The following SMYD3 variants were observed in gnomAD, a reference collection of about 807,000 sequenced individuals.
SMYD3 encodes the protein histone-lysine N-methyltransferase SMYD3.
Under a neutral mutation model 57.7 loss-of-function variants are expected in SMYD3, and 36 were observed. The observed-to-expected ratio is 0.62, with a 90% confidence interval of 0.48 to 0.82. SMYD3 has a LOEUF of 0.82. Among genes scored for constraint, SMYD3 ranks in the 40% least tolerant of loss-of-function variants. SMYD3 has a pLI of 0.00. For missense variants in SMYD3, 515 were observed against 538.8 expected (o/e 0.96, Z 0.44); for synonymous variants, 211 against 195.0 (o/e 1.08, Z -0.68).
chr1:245,771,968 T>G (rs1207623397), intron 10 of SMYD3, among the ~76,000 whole-genome samples: 1 of 152,176 alleles, frequency 6.6e-6, no homozygotes, highest in Admixed American at 6.5e-5. Context: ...GCTGCTACTC[T>G]GGAGAGGTGC....
intron 5 of SMYD3, among the ~76,000 whole-genome samples, chr1:246,310,285 T>C (rs2065054009): frequency 6.6e-6 from 1 of 152,100 alleles, no homozygotes; most frequent in South Asian, 2.1e-4. Flanking sequence ...ATGACACGAA[T>C]AGACTGGAAG....
intron 5 of SMYD3, among the ~76,000 whole-genome samples, chr1:246,001,725 T>C (rs1572871431): frequency 6.6e-6 from 1 of 152,218 alleles, no homozygotes; most frequent in Admixed American, 6.5e-5. Context: ...ACAGGGGTCA[T>C]TGCCCTGGCT....
intron 1 of SMYD3, among the ~76,000 whole-genome samples, chr1:246,450,492 C>T (rs1327728800): frequency 6.6e-6 from 1 of 152,176 alleles, no homozygotes; most frequent in Non-Finnish European, 1.5e-5. Flanking sequence ...CCCAAGATGG[C>T]AGTGATCTAT....
At chr1:246,273,554 G>A (rs747510600) in intron 5 of SMYD3, among the ~76,000 whole-genome samples, 85 of 142,166 alleles carry the variant, frequency 6.0e-4, no homozygotes, top group Non-Finnish European at 9.7e-4. Context: ...TTTCAAGAAC[G>A]CAGCTTTTGG....
rs1201829306 is a variant in SMYD3 at position 246,138,570 on chromosome 1, C to A, written c.531+188631G>T. 1.2e-4 allele frequency among the ~76,000 whole-genome samples: 12 copies of A among 101,618 alleles called. 2 individuals are homozygous for A. The highest frequency in any genetic ancestry group is 3.2e-4 in the African/African-American group (12 of 38,094). 66.7% of individuals were successfully genotyped at this position (101,618 alleles called of 152,430 possible). ...CCTCCCGAGTAGCTGGGACTGCAGG[C>A]TCCCGCCACCACGCCCGGCTAATTT... On this transcript the variant is annotated intron_variant, in intron 5 of 11. Coordinates refer to ENST00000490107, the MANE Select transcript of SMYD3 (RefSeq NM_001167740.2).
chr1:246,302,440 G>C (rs192906205), intron 5 of SMYD3, among the ~76,000 whole-genome samples: 8 of 152,240 alleles, frequency 5.3e-5, no homozygotes, highest in Non-Finnish European at 1.0e-4. Context: ...TGAAAAGACT[G>C]AATTAGATTT....
chr1:246,348,172 T>C (rs968843670), intron 2 of SMYD3, among the ~76,000 whole-genome samples: 1 of 150,806 alleles, frequency 6.6e-6, no homozygotes, highest in Non-Finnish European at 1.5e-5. Context: ...TCCCAGCACT[T>C]TGGGAGGCCA....
chr1:246,049,259 A>T (rs10399630), intron 5 of SMYD3, among the ~76,000 whole-genome samples: 58,119 of 151,826 alleles, frequency 0.38, 14,044 homozygotes, highest in African/African-American at 0.66. Flanking sequence ...CTCACAAAAA[A>T]CAGAGTCGTT....
At chr1:246,412,537 A>T (rs765593939) in intron 1 of SMYD3, among the ~76,000 whole-genome samples, 4 of 148,968 alleles carry the variant, frequency 2.7e-5, no homozygotes, top group African/African-American at 9.8e-5. Context: ...ATACTACCTG[A>T]TTTTTTTTTT....
chr1:246,002,330 TCC>T (rs2059074487), intron 5 of SMYD3, among the ~76,000 whole-genome samples: 1 of 49,866 alleles, frequency 2.0e-5, no homozygotes, highest in Admixed American at 2.7e-4. Context: ...GACTGCAGGC[TCC>T]CGCCACCACG....
chr1:246,362,618 G>A (rs965109192), intron 1 of SMYD3, among the ~76,000 whole-genome samples: 8 of 152,244 alleles, frequency 5.3e-5, no homozygotes, highest in South Asian at 2.1e-4. Flanking sequence ...GCACCGCCAC[G>A]CCTGACTGGT....
chr1:245,782,024 A>C (rs2046849643), intron 10 of SMYD3, among the ~76,000 whole-genome samples: 1 of 152,120 alleles, frequency 6.6e-6, no homozygotes, highest in African/African-American at 2.4e-5. Context: ...TATGTCTGAT[A>C]CCTACGCATT....
At chr1:246,278,327 T>C (rs906065734) in intron 5 of SMYD3, among the ~76,000 whole-genome samples, 1 of 152,158 alleles carries the variant, frequency 6.6e-6, no homozygotes, top group African/African-American at 2.4e-5. Context: ...TGCAGGCCTT[T>C]GTACAATCCC....
intron 5 of SMYD3, among the ~76,000 whole-genome samples, chr1:245,983,187 T>C (rs1019826074): frequency 3.9e-5 from 6 of 152,202 alleles, no homozygotes; most frequent in Admixed American, 6.5e-5. Context: ...TTTCGGGACA[T>C]TGTTTTCAGT....
chr1:246,176,954 G>C (rs1345930891), intron 5 of SMYD3, among the ~76,000 whole-genome samples: 1 of 152,096 alleles, frequency 6.6e-6, no homozygotes, highest in Non-Finnish European at 1.5e-5. Context: ...CCAAACTATA[G>C]ACTTTAACCC....
At chr1:246,447,265 T>C (rs553313407) in intron 1 of SMYD3, among the ~76,000 whole-genome samples, 7 of 152,288 alleles carry the variant, frequency 4.6e-5, no homozygotes, top group African/African-American at 1.4e-4. Flanking sequence ...ATTAAGTAAG[T>C]AGAGTGTATC....
At chr1:246,358,748 A>G (rs569617299) in intron 1 of SMYD3, among the ~76,000 whole-genome samples, 2 of 152,220 alleles carry the variant, frequency 1.3e-5, no homozygotes, top group African/African-American at 4.8e-5. Flanking sequence ...ATGGAAATTT[A>G]AAAAGTCTTT....
intron 9 of SMYD3, among the ~76,000 whole-genome samples, chr1:245,859,192 G>T (rs2051408162): frequency 6.6e-6 from 1 of 152,164 alleles, no homozygotes; most frequent in Non-Finnish European, 1.5e-5. Context: ...GCACACACTA[G>T]GTGGAGCAAT....
At chr1:245,885,768 T>G (rs4233246) in intron 8 of SMYD3, among the ~76,000 whole-genome samples, 151,950 of 152,320 alleles carry the variant, frequency 1, 75,793 homozygotes, top group Middle Eastern at 1. Context: ...AAAAGACAAT[T>G]ACATAAAATT....
Sources: gnomAD v4.1 joint callset for allele counts (sites outside exome capture counted in the v4.1 genomes callset) on GRCh38, gnomAD v4.1.1 for gene constraint, MANE v1.5 for transcripts, NCBI Gene and HGNC (gene_info 2026-07-23, HGNC 2026-07-21) for gene names.